IRAG2: variants seen among roughly 807,000 people sequenced by gnomAD.
IRAG2 encodes the protein inositol 1,4,5-triphosphate receptor associated 2, also known as lymphoid restricted membrane protein.
A neutral mutation model predicts 69.9 loss-of-function variants in IRAG2; 45 were observed. The ratio of observed to expected loss-of-function variants is 0.64; its 90% confidence interval spans 0.51 to 0.83. The LOEUF (loss-of-function observed/expected upper bound fraction) is 0.83. IRAG2 is among the 40% of genes least tolerant of loss of function. The pLI, the probability that IRAG2 is intolerant of heterozygous loss-of-function variation, is 0.00. For synonymous variants in IRAG2, 193 were observed against 202.4 expected, an observed-to-expected ratio of 0.95 and a Z score of 0.40; for missense variants, 520 against 587.0, an observed-to-expected ratio of 0.89 and a Z score of 1.18.
chr12:25,070,775 G>A lies in IRAG2; in HGVS notation c.24+1344G>A, dbSNP rs568816082. Among the ~76,000 whole-genome samples, 97 of 152,242 alleles carry A rather than the reference G, an allele frequency of 6.4e-4. 2 individuals are homozygous for A. The highest frequency in any genetic ancestry group is 2.2e-3 in the African/African-American group (91 of 41,556). ...TCCAACAGCAATGTATGAAGATTCCGGTTTCTCTGTATCCTCATTAAATAT... is the reference window on the plus strand; with the variant it reads ...TCCAACAGCAATGTATGAAGATTCCAGTTTCTCTGTATCCTCATTAAATAT... On this transcript the variant is annotated intron_variant, in intron 6 of 21. Coordinates refer to ENST00000556887, the MANE Select transcript of IRAG2 (RefSeq NM_001366544.2).
rs1046337647 is a variant in IRAG2, at chr12:25,052,723, A to G, written c.-680A>G. On this transcript the variant is annotated 5_prime_UTR_variant, in exon 1 of 22. It adds an upstream start codon to the 5' untranslated region. Transcript: ENST00000556887. ...ACATTTTCAGTTTTGCCTGCATCAT[A>G]AGAGTGAGCACTCCATTGCTTTCTT... is the stretch of plus-strand genomic sequence containing the variant. The G allele has an allele frequency of 5.0e-6, 2 of 398,342 alleles. No individual in the cohort carries two copies. Among genetic ancestry groups the G allele is most frequent in the African/African-American group, 2.1e-5 (1 of 48,644 alleles). 24.7% of individuals were successfully genotyped at this position (398,342 alleles called of 1,614,324 possible).
At chr12:25,056,157 T>C (rs1945243701) in intron 1 of IRAG2, among the ~76,000 whole-genome samples, 1 of 151,832 alleles carries the variant, frequency 6.6e-6, no homozygotes, top group South Asian at 2.1e-4. Context: ...GGGCGGGAGG[T>C]ATGGCAGAGG....
intron 5 of IRAG2, among the ~76,000 whole-genome samples, chr12:25,016,626 GGT>G (rs1944531052): frequency 6.6e-6 from 1 of 152,110 alleles, no homozygotes; most frequent in South Asian, 2.1e-4. Flanking sequence ...AGCTGGGCAT[GGT>G]GGTGCATGCC....
rs1189741313 is a variant in IRAG2 at position 25,107,814 on chromosome 12, T to C, written c.1257-3T>C. On this transcript the variant is annotated splice_region_variant and splice_polypyrimidine_tract_variant and intron_variant, in intron 21 of 21. Coordinates refer to ENST00000556887, the MANE Select transcript of IRAG2 (RefSeq NM_001366544.2). ...CCAAATTCTATTTGTGTTTTCCTTA[T>C]AGTTATGACACAATAGCTTCCTGGG... The C allele has an allele frequency of 3.7e-6, 6 of 1,609,514 alleles. No homozygotes were observed. The highest frequency in any genetic ancestry group is 1.7e-5 in the Admixed American group (1 of 59,906).
intron 9 of IRAG2, among the ~76,000 whole-genome samples, chr12:25,027,031 C>CTTT (rs36008257): frequency 6.8e-6 from 1 of 146,924 alleles, no homozygotes; most frequent in Middle Eastern, 3.2e-3. Flanking sequence ...CCTTTTCCTT[C>CTTT]TTTTTTTTTT....
rs1266497350 is a variant in IRAG2 at position 25,104,426 on chromosome 12, C to T, written c.1112C>T (p.Ser371Phe). 6.2e-7 allele frequency: 1 copy of T among 1,613,202 alleles called. No individual in the cohort carries two copies. Among genetic ancestry groups the T allele is most frequent in the South Asian group, 1.1e-5 (1 of 91,062 alleles). The part of the protein sequence containing the change: ...PSLPRFISTY[S>F]WADAEEEKCE... ...TTACCTCGATTTATTAGCACCTATT[C>T]CTGGGCAGATGCTGAAGAAGAAAAA... Residue 371 changes from serine (S) to phenylalanine (F), a missense_variant, in exon 20 of 22, where the codon TCC (serine) becomes TTC (phenylalanine). Transcript: ENST00000556887.
chr12:25,044,874 T>C (rs1944779889), intron 16 of IRAG2, among the ~76,000 whole-genome samples: 1 of 152,064 alleles, frequency 6.6e-6, no homozygotes, highest in African/African-American at 2.4e-5. Context: ...AGAAAATCAA[T>C]AAGGAAACAG....
upstream of IRAG2, among the ~76,000 whole-genome samples, chr12:25,050,172 A>T (rs1388396094): frequency 6.6e-6 from 1 of 151,552 alleles, no homozygotes; most frequent in African/African-American, 2.4e-5. Context: ...GTTGGTGAGG[A>T]TGTAGAGATA....
At chr12:25,090,887 G>A (rs554319609) in intron 14 of IRAG2, 3 of 451,494 alleles carry the variant, frequency 6.6e-6, no homozygotes, top group African/African-American at 6.0e-5. Flanking sequence ...AGAGAATCGA[G>A]TCTATTTCCA....
At chr12:25,075,521 C>CAT (rs750386542) in intron 6 of IRAG2, among the ~76,000 whole-genome samples, 17 of 139,264 alleles carry the variant, frequency 1.2e-4, no homozygotes, top group African/African-American at 2.1e-4. Flanking sequence ...TGTGTGTATG[C>CAT]GTGTGTGTGT....
chr12:25,003,211 A>T (rs1308691600), upstream of IRAG2, among the ~76,000 whole-genome samples: 1 of 152,206 alleles, frequency 6.6e-6, no homozygotes, highest in Non-Finnish European at 1.5e-5. Flanking sequence ...TAAAAAAAAG[A>T]TTCATGGAAA....
intron 6 of IRAG2, among the ~76,000 whole-genome samples, chr12:25,074,413 A>G (rs1442059877): frequency 6.6e-6 from 1 of 152,196 alleles, no homozygotes; most frequent in East Asian, 1.9e-4. Context: ...TTCAGGCCTC[A>G]CCGACTAGTG....
rs76569759 is a variant in IRAG2 at position 25,011,275 on chromosome 12, T to C, written c.689-69T>C. ...GACTGCCAGGGTTATATATCATGTT[T>C]CTAGGATCAGGAAACATTAAAGAGA... On this transcript the variant is annotated intron_variant, in intron 2 of 38. Coordinates refer to the IRAG2 transcript ENST00000636465. The C allele has an allele frequency of 1.1e-3, 1,234 of 1,085,654 alleles. 8 individuals are homozygous for C. In the African/African-American group the frequency reaches 0.018, roughly 16 times the overall value. 67.3% of individuals were successfully genotyped at this position (1,085,654 alleles called of 1,614,324 possible).
At chr12:25,098,561 C>CA (rs1948565213) in intron 15 of IRAG2, among the ~76,000 whole-genome samples, 1 of 152,234 alleles carries the variant, frequency 6.6e-6, no homozygotes, top group Non-Finnish European at 1.5e-5. Flanking sequence ...CTAATTTACT[C>CA]AGAGTCATGG....
chr12:25,077,374 T>TATATATATGAGATATATATGAA lies in IRAG2; in HGVS notation c.25-1860_25-1859insGATATATATGAAATATATATGA, dbSNP rs1946884992. ...TATGATATATATGATATATATGAAATATATATATGATATATATATGAAATA... is the reference window on the plus strand; with the variant it reads ...TATGATATATATGATATATATGAAATATATATATGAGATATATATGAAATATATATGATATATATATGAAATA... On this transcript the variant is annotated intron_variant, in intron 6 of 21. Transcript: ENST00000556887. Among the ~76,000 whole-genome samples the TATATATATGAGATATATATGAA allele has an allele frequency of 1.5e-3, 93 of 61,648 alleles. 6 individuals are homozygous for TATATATATGAGATATATATGAA. The highest frequency in any genetic ancestry group is 5.4e-3 in the African/African-American group (87 of 16,216). 40.4% of individuals were successfully genotyped at this position (61,648 alleles called of 152,430 possible).
chr12:25,039,117 CACTT>C (rs1565531942), intron 16 of IRAG2, among the ~76,000 whole-genome samples: 1 of 152,178 alleles, frequency 6.6e-6, no homozygotes, highest in African/African-American at 2.4e-5. Context: ...CCATACTTAG[CACTT>C]ACTTAAGAAA....
chr12:25,030,211 T>C, intron 9 of IRAG2: 1 of 1,044,252 alleles, frequency 9.6e-7, no homozygotes, highest in Non-Finnish European at 1.2e-6. Context: ...ACTGGAATGA[T>C]TTTATGGCAC....
chr12:25,004,885 G>A (rs970584743), exon 1 of IRAG2: 4 of 1,231,824 alleles, frequency 3.2e-6, no homozygotes, highest in Non-Finnish European at 4.0e-6. Context: ...TCAGGATTCA[G>A]TGGTAAAAAA....
At chr12:25,057,165 CTAATAA>C (rs1194140646) in intron 1 of IRAG2, among the ~76,000 whole-genome samples, 1 of 150,640 alleles carries the variant, frequency 6.6e-6, no homozygotes, top group Non-Finnish European at 1.5e-5. Flanking sequence ...CTTCTTAGTA[CTAATAA>C]TAAGTGTGTT....
Sources: allele counts gnomAD v4.1 joint callset (sites outside exome capture counted in the v4.1 genomes callset), GRCh38; gene constraint gnomAD v4.1.1; transcripts MANE v1.5; gene names NCBI Gene and HGNC (gene_info 2026-07-23, HGNC 2026-07-21).